F5: variants seen among roughly 807,000 people sequenced by gnomAD.
The protein encoded by F5 is coagulation factor V.
F5 carries 138 observed loss-of-function variants against 216.4 expected under a neutral mutation model. The ratio of observed to expected loss-of-function variants is 0.64; its 90% confidence interval spans 0.56 to 0.73. The LOEUF (loss-of-function observed/expected upper bound fraction) is 0.73. Among genes scored for constraint, F5 ranks in the 30% least tolerant of loss-of-function variants. The pLI is 0.00. For missense variants in F5, 2,403 were observed against 2,674.0 expected (o/e 0.90, Z 2.24); for synonymous variants, 916 against 930.7 (o/e 0.98, Z 0.29).
chr1:169,568,514 G>A lies in F5; in HGVS notation c.373+3707C>T, dbSNP rs1660658624. ...AGCATTTGTGAGATGCAGTTTTGGT[G>A]AATGTGATTTTGACTTTGTAATCAA... On this transcript the variant is annotated intron_variant, in intron 3 of 24. Coordinates refer to ENST00000367797, the MANE Select transcript of F5 (RefSeq NM_000130.5). Among the ~76,000 whole-genome samples the A allele has an allele frequency of 2.0e-5, 3 of 148,192 alleles. 1 individual carries two copies. The South Asian group carries it at 6.6e-4, about 33-fold the overall frequency.
At chr1:169,546,362 C>T in intron 11 of F5, 80 bp downstream of exon 11, 1 of 1,550,856 alleles carries the variant, frequency 6.4e-7, no homozygotes, top group Non-Finnish European at 8.9e-7. Flanking sequence ...GATTTTAATC[C>T]ATGTCTCTGA....
intron 7 of F5, 77 bp downstream of exon 7, chr1:169,555,105 A>G: frequency 6.4e-7 from 1 of 1,550,600 alleles, no homozygotes; most frequent in Non-Finnish European, 8.9e-7. Context: ...GTGAACTTAC[A>G]TTTCACCCCA....
intron 24 of F5, among the ~76,000 whole-genome samples, chr1:169,514,859 A>G (rs1659122887): frequency 6.6e-6 from 1 of 152,110 alleles, no homozygotes; most frequent in South Asian, 2.1e-4. Context: ...CAGCTGCAAA[A>G]CCATTTCTGC....
Position 169,555,168 on chromosome 1 carries a change from C to T in F5, c.1118+14G>A, listed in dbSNP as rs775527731. Reference sequence around the variant, plus strand: ...TTGAACCTTTGCCCAGTGGTATGAACCCCAACAACTCACTTGTCCATATTC... The same window carrying T: ...TTGAACCTTTGCCCAGTGGTATGAATCCCAACAACTCACTTGTCCATATTC... On this transcript the variant is annotated intron_variant, in intron 7 of 24. Transcript: ENST00000367797. 6.2e-7 allele frequency: 1 copy of T among 1,613,830 alleles called. No individual in the cohort carries two copies. The highest frequency in any genetic ancestry group is 1.1e-5 in the South Asian group (1 of 91,068).
chr1:169,540,795 T>A lies in F5; in HGVS notation c.4295A>T (p.Asp1432Val), dbSNP rs771826615. Reference sequence around the variant, plus strand: ...TGGAGAGAGAGTCACCTGGCTGAGGTCTGGGGAAAGGGACATCTGACCAAA... The same window carrying A: ...TGGAGAGAGAGTCACCTGGCTGAGGACTGGGGAAAGGGACATCTGACCAAA... ...PNFGQMSLSP[D>V]LSQVTLSPDI... is the part of the protein sequence containing the mutation. Residue 1432 changes from aspartate (D) to valine (V), a missense_variant, in exon 13 of 25, where the codon GAC becomes GTC. By Grantham distance (152) the Asp-to-Val change is radical (BLOSUM62 -3). Coordinates refer to ENST00000367797, the MANE Select transcript of F5 (RefSeq NM_000130.5). 1.9e-6 allele frequency: 3 copies of A among 1,613,686 alleles called. No homozygotes were observed. The highest frequency in any genetic ancestry group is 1.7e-6 in the Non-Finnish European group (2 of 1,179,900).
chr1:169,556,736 G>C lies in F5; in HGVS notation c.862C>G (p.Leu288Val), dbSNP rs147889072. The C allele has an allele frequency of 3.7e-6, 6 of 1,614,128 alleles. No homozygotes were observed. Among genetic ancestry groups the C allele is most frequent in the Non-Finnish European group, 5.1e-6 (6 of 1,180,014 alleles). Residue 288 changes from leucine to valine, a missense_variant, in exon 6 of 25, where the codon CTT becomes GTT. By Grantham distance (32) the Leu-to-Val change is conservative. This residue lies in a region of F5 where 1,425 missense variants were observed against 1,554.8 expected (regional missense o/e 0.92). Coordinates refer to ENST00000367797, the MANE Select transcript of F5 (RefSeq NM_000130.5). ...QNHHKVSAIT[L>V]VSATSTTANM... ...GCGGTAGTGGATGTAGCACTGACAA[G>C]GGTGATGGCTGAGACCTTATGATGG...
At position 169,586,474 on chromosome 1, in the gene F5, G is replaced by C; in HGVS notation, c.-88C>G. On this transcript the variant is annotated 5_prime_UTR_variant, in exon 1 of 25. Coordinates refer to ENST00000367797, the MANE Select transcript of F5 (RefSeq NM_000130.5). ...GCTAACCACACTCCGGGCTGTCCCAGCTGCAATGAGCTCTAGAGGCTGTGG... is the reference window on the plus strand; with the variant it reads ...GCTAACCACACTCCGGGCTGTCCCACCTGCAATGAGCTCTAGAGGCTGTGG... The C allele has an allele frequency of 6.6e-7, 1 of 1,523,732 alleles. No homozygotes were observed. The highest frequency in any genetic ancestry group is 1.2e-5 in the South Asian group (1 of 84,470). 94.4% of individuals were successfully genotyped at this position (1,523,732 alleles called of 1,614,324 possible). A position where few individuals can be genotyped will look rare whatever the true frequency, so the allele number is the denominator to read the frequency against.
chr1:169,537,426 G>T (rs1428604291), intron 13 of F5, among the ~76,000 whole-genome samples: 2 of 152,054 alleles, frequency 1.3e-5, no homozygotes, highest in Non-Finnish European at 2.9e-5. Context: ...ACATTGGTGT[G>T]GACAAAGATT....
intron 5 of F5, among the ~76,000 whole-genome samples, chr1:169,557,861 T>C (rs1361996027): frequency 1.3e-5 from 2 of 152,110 alleles, no homozygotes; most frequent in Non-Finnish European, 2.9e-5. Context: ...GCAATTAACA[T>C]ATCTGTGTTA....
chr1:169,551,365 G>A (rs1262621058), intron 8 of F5, among the ~76,000 whole-genome samples: 3 of 152,294 alleles, frequency 2.0e-5, no homozygotes, highest in Non-Finnish European at 2.9e-5. Flanking sequence ...TGCGAGAATC[G>A]CCTGAGCCCA....
intron 3 of F5, among the ~76,000 whole-genome samples, chr1:169,562,000 A>C (rs1660495982): frequency 6.8e-6 from 1 of 147,772 alleles, no homozygotes; most frequent in African/African-American, 2.5e-5. Context: ...CCTATTCCCC[A>C]CCCTCCTTCC....
chr1:169,561,025 C>T (rs1660472736), intron 3 of F5, among the ~76,000 whole-genome samples: 1 of 152,050 alleles, frequency 6.6e-6, no homozygotes, highest in Non-Finnish European at 1.5e-5. Flanking sequence ...TTCCAGGGTA[C>T]CTGAACAATT....
Position 169,552,538 on chromosome 1 carries a change from C to T in F5, c.1296+19G>A. The T allele has an allele frequency of 1.2e-6, 2 of 1,603,782 alleles. No individual in the cohort carries two copies. The highest frequency in any genetic ancestry group is 1.7e-6 in the Non-Finnish European group (2 of 1,171,234). Reference sequence around the variant, plus strand: ...TTACTATGTAATTTCTCCCATGATTCTGTATTTGTGTTACTTACTTTGAGT... The same window carrying T: ...TTACTATGTAATTTCTCCCATGATTTTGTATTTGTGTTACTTACTTTGAGT... On this transcript the variant is annotated intron_variant, in intron 8 of 24. Coordinates refer to ENST00000367797, the MANE Select transcript of F5 (RefSeq NM_000130.5).
At chr1:169,579,923 T>C (rs1660951879) in intron 2 of F5, among the ~76,000 whole-genome samples, 1 of 152,170 alleles carries the variant, frequency 6.6e-6, no homozygotes, top group African/African-American at 2.4e-5. Flanking sequence ...TTCCTCTCAA[T>C]ATAAAGCCTA....
chr1:169,540,570 A>T lies in F5; in HGVS notation c.4520T>A (p.Phe1507Tyr), dbSNP rs758704727. The T allele has an allele frequency of 2.3e-5, 37 of 1,613,914 alleles. No individual in the cohort carries two copies. The highest frequency in any genetic ancestry group is 2.9e-5 in the Non-Finnish European group (34 of 1,179,976). The change falls in exon 13 of 25, where the codon TTT becomes TAT. Residue 1507 changes from phenylalanine to tyrosine, a missense_variant. Phe to Tyr is a conservative substitution (Grantham distance 22, BLOSUM62 3). Coordinates refer to ENST00000367797, the MANE Select transcript of F5 (RefSeq NM_000130.5). ...GAGGCCCACTATAACCAGTGGATTAAATTCCTTTGATAGAAAAGTATCATT... is the reference window on the plus strand; with the variant it reads ...GAGGCCCACTATAACCAGTGGATTATATTCCTTTGATAGAAAAGTATCATT... ...TLNDTFLSKE[F>Y]NPLVIVGLSK...
chr1:169,566,946 TGTGA>T (rs1660616497), intron 3 of F5, among the ~76,000 whole-genome samples: 2 of 151,966 alleles, frequency 1.3e-5, no homozygotes, highest in Admixed American at 1.3e-4. Context: ...TGGTAACACA[TGTGA>T]GTAAGATAGA....
At chr1:169,524,953 A>G (rs1659403453) in intron 18 of F5, 45 bp from the exon 19 acceptor site, 2 of 1,454,582 alleles carry the variant, frequency 1.4e-6, no homozygotes, top group Non-Finnish European at 1.9e-6. Flanking sequence ...CTTAGAAAAT[A>G]TATACAATAA....
chr1:169,528,394 A>G (rs1463272380), intron 16 of F5, among the ~76,000 whole-genome samples: 1 of 152,132 alleles, frequency 6.6e-6, no homozygotes, highest in Non-Finnish European at 1.5e-5. Flanking sequence ...ACCCGTGTAT[A>G]CTTTCCATTA....
intron 9 of F5, among the ~76,000 whole-genome samples, chr1:169,550,295 C>CA (rs1660135588): frequency 1.5e-5 from 2 of 136,004 alleles, no homozygotes; most frequent in Admixed American, 1.4e-4. Flanking sequence ...CCCACCCCCC[C>CA]CCCCCGACAG....
Sources: gnomAD v4.1 joint callset for allele counts (sites outside exome capture counted in the v4.1 genomes callset) on GRCh38, gnomAD v4.1.1 for gene constraint, gnomAD v4.1.1 regional missense constraint, MANE v1.5 for transcripts, NCBI Gene and HGNC (gene_info 2026-07-23, HGNC 2026-07-21) for gene names.